PCDHA2: variants seen among roughly 807,000 people sequenced by gnomAD.
The protein encoded by PCDHA2 is protocadherin alpha 2.
A neutral mutation model predicts 66.0 loss-of-function variants in PCDHA2; 58 were observed. The observed-to-expected ratio is 0.88, with a 90% CI of 0.71 to 1.09. The LOEUF is 1.09. PCDHA2 is among the 50% of genes least tolerant of loss of function. The pLI is 0.00. For missense variants in PCDHA2, 1,267 were observed against 1,242.3 expected, an observed-to-expected ratio of 1.02 and a Z score of -0.30; for synonymous variants, 634 against 554.0, an observed-to-expected ratio of 1.14 and a Z score of -2.03.
intron 1 of PCDHA2, chr5:140,801,707 C>G (rs782723045): frequency 6.2e-7 from 1 of 1,614,108 alleles, no homozygotes; most frequent in South Asian, 1.1e-5. Flanking sequence ...TGTTGACTTA[C>G]AGTCTTGATT....
chr5:140,869,205 C>A (rs782278064), intron 1 of PCDHA2: 1 of 1,613,994 alleles, frequency 6.2e-7, no homozygotes, highest in Non-Finnish European at 8.5e-7. Flanking sequence ...TCCACTACTC[C>A]GTCTCGGAGG....
chr5:140,884,833 C>T (rs1175023363), intron 1 of PCDHA2: 1 of 916,514 alleles, frequency 1.1e-6, no homozygotes, highest in Non-Finnish European at 1.5e-6. Flanking sequence ...GTTGGATTAT[C>T]CTTCAGAGTG....
chr5:140,993,811 G>A (rs1554253953), intron 3 of PCDHA2, among the ~76,000 whole-genome samples: 3 of 152,154 alleles, frequency 2.0e-5, no homozygotes, highest in African/African-American at 2.4e-5. Flanking sequence ...TGTAGCCTAG[G>A]AGCAATAGGC....
rs1554135559 is a variant in PCDHA2 at position 140,836,032 on chromosome 5, C to T, written c.2388+38680C>T. 7.4e-6 allele frequency: 12 copies of T among 1,613,412 alleles called. No individual in the cohort carries two copies. The East Asian group carries it at 2.7e-4, about 36-fold the overall frequency. ...GTGCCGCCTCTGGGCAGCAACGTGA[C>T]GCTGCAGGTGTTCGTGCTGGACGAG... On this transcript the variant is annotated intron_variant, in intron 1 of 3. Coordinates refer to ENST00000526136, the MANE Select transcript of PCDHA2 (RefSeq NM_018905.3).
At chr5:140,809,399 A>G in intron 1 of PCDHA2, 1 of 1,614,104 alleles carries the variant, frequency 6.2e-7, no homozygotes, top group South Asian at 1.1e-5. Context: ...GGGCAAGCCC[A>G]CGCTGGTGTG....
intron 1 of PCDHA2, chr5:140,834,961 G>A: frequency 6.6e-7 from 1 of 1,524,338 alleles, no homozygotes; most frequent in Non-Finnish European, 8.9e-7. Context: ...AAACCTCTTG[G>A]ACTTGTATTA....
chr5:140,936,435 TTAAA>T (rs1554210994), intron 1 of PCDHA2, among the ~76,000 whole-genome samples: 2 of 152,222 alleles, frequency 1.3e-5, no homozygotes, highest in African/African-American at 4.8e-5. Flanking sequence ...TAATTTAAGC[TTAAA>T]TAACCACATC....
rs1554125022 is a variant in PCDHA2, at chr5:140,809,143, G to A, written c.2388+11791G>A. 2.5e-6 allele frequency: 4 copies of A among 1,614,018 alleles called. No individual in the cohort carries two copies. In the East Asian group the frequency reaches 8.9e-5, roughly 36 times the overall value. On this transcript the variant is annotated intron_variant, in intron 1 of 3. Coordinates refer to ENST00000526136, the MANE Select transcript of PCDHA2 (RefSeq NM_018905.3). ...GCCACCGCCTACTGGTACTGGTGAA[G>A]GACCACGGCGAGCCCGCGCTGACGG...
intron 1 of PCDHA2, chr5:140,928,053 G>C: frequency 6.2e-7 from 1 of 1,614,212 alleles, no homozygotes; most frequent in Non-Finnish European, 8.5e-7. Context: ...CTTTTCAGCT[G>C]ACGGCTTCCT....
At chr5:140,837,919 TC>T (rs1554136703) in intron 1 of PCDHA2, among the ~76,000 whole-genome samples, 1 of 151,862 alleles carries the variant, frequency 6.6e-6, no homozygotes, top group African/African-American at 2.4e-5. Context: ...CTTCAAGCGA[TC>T]CTCCTACCTT....
At chr5:140,797,735 T>G (rs886294068) in intron 1 of PCDHA2, among the ~76,000 whole-genome samples, 2 of 152,260 alleles carry the variant, frequency 1.3e-5, no homozygotes, top group Non-Finnish European at 2.9e-5. Context: ...CAACTGACAC[T>G]GTCTATCCAA....
chr5:140,969,286 T>C (rs2096315830), intron 1 of PCDHA2: 3 of 1,614,076 alleles, frequency 1.9e-6, no homozygotes, highest in Admixed American at 1.7e-5. Flanking sequence ...GTCAGAATGC[T>C]GGGAACCTGA....
At chr5:140,801,797 A>T in intron 1 of PCDHA2, 2 of 1,614,074 alleles carry the variant, frequency 1.2e-6, no homozygotes, top group Non-Finnish European at 1.7e-6. Context: ...AAAAAAATTT[A>T]AATCGAGAGG....
intron 1 of PCDHA2, among the ~76,000 whole-genome samples, chr5:140,916,305 G>T (rs2077519382): frequency 1.3e-5 from 2 of 152,156 alleles, no homozygotes; most frequent in South Asian, 2.1e-4. Context: ...TGGTACCAAA[G>T]GTGCAAGACA....
intron 1 of PCDHA2, chr5:140,816,459 G>A (rs1330630931): frequency 2.0e-5 from 3 of 152,012 alleles, no homozygotes; most frequent in African/African-American, 7.2e-5. Flanking sequence ...ACTTTGTCAA[G>A]TAATTCACAT....
chr5:140,808,706 T>C, intron 1 of PCDHA2: 10 of 1,612,168 alleles, frequency 6.2e-6, no homozygotes, highest in Non-Finnish European at 7.6e-6. Context: ...GCTGTCGAGC[T>C]ACGTTTCGGT....
chr5:140,808,944 G>A (rs782358037), intron 1 of PCDHA2: 23 of 1,613,698 alleles, frequency 1.4e-5, no homozygotes, highest in Non-Finnish European at 8.5e-7. Context: ...TGGTCGGTGG[G>A]TGTGGGCCAC....
chr5:140,823,439 T>C lies in PCDHA2; in HGVS notation c.2388+26087T>C, dbSNP rs2150125835. The C allele has an allele frequency of 6.2e-6, 10 of 1,613,256 alleles. No individual in the cohort carries two copies. Among genetic ancestry groups the C allele is most frequent in the African/African-American group, 1.3e-5 (1 of 74,918 alleles). On this transcript the variant is annotated intron_variant, in intron 1 of 3. Coordinates refer to ENST00000526136, the MANE Select transcript of PCDHA2 (RefSeq NM_018905.3). The stretch of plus-strand genomic sequence containing the variant: ...AACGTGACGCTGCAGGTGTTCGTGC[T>C]GGACGAGAACGACAACGCGCCGGCG...
intron 1 of PCDHA2, among the ~76,000 whole-genome samples, chr5:140,965,730 C>T (rs1554227819): frequency 6.6e-6 from 1 of 152,166 alleles, no homozygotes; most frequent in East Asian, 1.9e-4. Flanking sequence ...AAAAATTTTA[C>T]CAGATTTTCC....
Sources: allele counts gnomAD v4.1 joint callset (sites outside exome capture counted in the v4.1 genomes callset), GRCh38; gene constraint gnomAD v4.1.1; transcripts MANE v1.5; gene names NCBI Gene and HGNC (gene_info 2026-07-23, HGNC 2026-07-21).